Variants in SUGCT observed in about 807,000 individuals in gnomAD.
SUGCT encodes the protein succinyl-CoA:glutarate CoA-transferase.
Under a neutral mutation model 55.0 loss-of-function variants are expected in SUGCT, and 41 were observed. That is an observed-to-expected ratio of 0.74 (90% CI 0.58 to 0.97). SUGCT has a LOEUF of 0.97. SUGCT is among the 50% of genes least tolerant of loss of function. The pLI is 0.00. For missense variants in SUGCT, 568 were observed against 547.8 expected, an observed-to-expected ratio of 1.04 and a Z score of -0.37; for synonymous variants, 187 against 200.4, an observed-to-expected ratio of 0.93 and a Z score of 0.56.
chr7:40,247,216 T>C (rs1028749482), intron 7 of SUGCT, among the ~76,000 whole-genome samples: 16 of 152,054 alleles, frequency 1.1e-4, no homozygotes, highest in African/African-American at 2.7e-4. Context: ...GTAGTAGCAG[T>C]GTTTGAGAGT....
At chr7:40,898,338 G>C in the SUGCT span, among the ~76,000 whole-genome samples, 1 of 152,154 alleles carries the variant, frequency 6.6e-6, no homozygotes, top group Non-Finnish European at 1.5e-5. Context: ...GACTCACCGC[G>C]AAGGTCTGCG....
At chr7:40,505,317 T>A (rs1583852240) in intron 12 of SUGCT, among the ~76,000 whole-genome samples, 1 of 152,126 alleles carries the variant, frequency 6.6e-6, no homozygotes, top group Non-Finnish European at 1.5e-5. Context: ...TCTGAAAATA[T>A]CTACCTTTTG....
downstream of SUGCT, among the ~76,000 whole-genome samples, chr7:40,862,284 T>C (rs773359534): frequency 6.6e-6 from 1 of 152,174 alleles, no homozygotes; most frequent in Non-Finnish European, 1.5e-5. Context: ...AGACTGTCTC[T>C]AGTGAAATCA....
intron 12 of SUGCT, among the ~76,000 whole-genome samples, chr7:40,643,295 C>T (rs759800650): frequency 6.6e-6 from 1 of 152,156 alleles, no homozygotes; most frequent in Non-Finnish European, 1.5e-5. Context: ...TGAGCCAAAC[C>T]GTGATGGATC....
chr7:40,664,488 C>T (rs1452674420), intron 12 of SUGCT, among the ~76,000 whole-genome samples: 8 of 152,114 alleles, frequency 5.3e-5, no homozygotes, highest in Admixed American at 2.0e-4. Flanking sequence ...GAAAGAATCT[C>T]TGGAAATGGA....
At chr7:40,386,255 G>A (rs1282567425) in intron 9 of SUGCT, among the ~76,000 whole-genome samples, 4 of 152,120 alleles carry the variant, frequency 2.6e-5, no homozygotes, top group African/African-American at 9.7e-5. Context: ...TATCTAGAAA[G>A]CACATCTTCT....
chr7:40,375,485 C>T lies in SUGCT; in HGVS notation c.816+58630C>T, dbSNP rs1012459571. Among the ~76,000 whole-genome samples the T allele has an allele frequency of 3.7e-4, 57 of 152,060 alleles. 1 individual carries two copies. The highest frequency in any genetic ancestry group is 1.4e-3 in the African/African-American group (56 of 41,410). On this transcript the variant is annotated intron_variant, in intron 9 of 13. Transcript: ENST00000335693. ...AGATTTGAAATTAGGAGTTTCTCTC[C>T]TACTCCCCATCTCATGGCCTTGGCA...
the SUGCT span, among the ~76,000 whole-genome samples, chr7:41,014,471 A>G: frequency 6.6e-6 from 1 of 152,224 alleles, no homozygotes; most frequent in Non-Finnish European, 1.5e-5. Context: ...GGGGCCTATT[A>G]TAATCAAATA....
At chr7:40,435,714 G>T (rs562500121) in intron 9 of SUGCT, among the ~76,000 whole-genome samples, 1 of 152,126 alleles carries the variant, frequency 6.6e-6, no homozygotes, top group African/African-American at 2.4e-5. Flanking sequence ...TGAGTTAACT[G>T]TCTGGTTCCT....
chr7:40,459,298 T>G, intron 11 of SUGCT, 100 bp downstream of exon 11: 2 of 758,020 alleles, frequency 2.6e-6, no homozygotes, highest in South Asian at 4.0e-5. Context: ...TGAGATCAAT[T>G]TGTAATTCTC....
chr7:40,154,478 T>G lies in SUGCT; in HGVS notation c.100+19358T>G, dbSNP rs959293455. On this transcript the variant is annotated intron_variant, in intron 1 of 13. Transcript: ENST00000335693. Reference sequence around the variant, plus strand: ...GCTCTGAGATTTGGGTGTAGAACGTTTTATTTTCAGGCTTAAAACTTTTTT... The same window carrying G: ...GCTCTGAGATTTGGGTGTAGAACGTGTTATTTTCAGGCTTAAAACTTTTTT... 6.6e-5 allele frequency among the ~76,000 whole-genome samples: 10 copies of G among 152,124 alleles called. 1 individual carries two copies. The highest frequency in any genetic ancestry group is 1.5e-4 in the Non-Finnish European group (10 of 68,018).
intron 12 of SUGCT, among the ~76,000 whole-genome samples, chr7:40,614,838 T>C (rs1031185996): frequency 1.3e-5 from 2 of 152,036 alleles, no homozygotes; most frequent in African/African-American, 4.8e-5. Context: ...TGTGGATGGA[T>C]CACCTGAGTT....
At chr7:40,522,619 A>G (rs376179895) in intron 12 of SUGCT, among the ~76,000 whole-genome samples, 1 of 152,134 alleles carries the variant, frequency 6.6e-6, no homozygotes, top group Admixed American at 6.6e-5. Context: ...AAAATTTTGT[A>G]GGAAATATGT....
chr7:40,559,551 G>C (rs1157170039), intron 12 of SUGCT, among the ~76,000 whole-genome samples: 1 of 152,134 alleles, frequency 6.6e-6, no homozygotes, highest in Admixed American at 6.5e-5. Flanking sequence ...GAAGAAGAAA[G>C]GGGGTGAGAA....
chr7:40,510,135 A>G (rs917825108), intron 12 of SUGCT, among the ~76,000 whole-genome samples: 7 of 152,254 alleles, frequency 4.6e-5, no homozygotes, highest in Admixed American at 4.6e-4. Flanking sequence ...CCAGAATTAT[A>G]AAACATTATT....
intron 13 of SUGCT, among the ~76,000 whole-genome samples, chr7:40,786,286 A>C (rs755234949): frequency 2.0e-5 from 3 of 152,244 alleles, no homozygotes; most frequent in Non-Finnish European, 2.9e-5. Flanking sequence ...AGGTAATAGA[A>C]GAATAAAGAT....
chr7:40,954,906 A>G, the SUGCT span, among the ~76,000 whole-genome samples: 2 of 152,186 alleles, frequency 1.3e-5, no homozygotes, highest in Non-Finnish European at 2.9e-5. Context: ...TCCTCTCCCC[A>G]TTGCTTGTTT....
intron 12 of SUGCT, among the ~76,000 whole-genome samples, chr7:40,530,615 A>T (rs1049972510): frequency 2.6e-5 from 4 of 152,236 alleles, no homozygotes; most frequent in African/African-American, 9.6e-5. Flanking sequence ...ACCATATGTG[A>T]GATTCATTTG....
chr7:40,597,333 G>GT (rs1053371200), intron 12 of SUGCT, among the ~76,000 whole-genome samples: 13 of 150,156 alleles, frequency 8.7e-5, no homozygotes, highest in South Asian at 2.1e-4. Context: ...GTTCAGATAA[G>GT]TTTTTTTTTT....
Sources: allele counts gnomAD v4.1 joint callset (sites outside exome capture counted in the v4.1 genomes callset), GRCh38; gene constraint gnomAD v4.1.1; transcripts MANE v1.5; gene names NCBI Gene and HGNC (gene_info 2026-07-23, HGNC 2026-07-21).